Variants in USH2A observed in about 807,000 individuals in gnomAD.
USH2A encodes the protein Usher syndrome 2A (autosomal recessive, mild).
In USH2A, 443 loss-of-function variants were observed where a neutral mutation model predicts 538.9. That is an observed-to-expected ratio of 0.82 (90% CI 0.76 to 0.89). USH2A has a LOEUF of 0.89. Among genes scored for constraint, USH2A ranks in the 40% least tolerant of loss-of-function variants. USH2A has a pLI of 0.00. For missense variants in USH2A, 6,633 were observed against 6,324.8 expected, an observed-to-expected ratio of 1.05 and a Z score of -1.65; for synonymous variants, 2,413 against 2,273.5, an observed-to-expected ratio of 1.06 and a Z score of -1.75.
intron 32 of USH2A, among the ~76,000 whole-genome samples, chr1:216,028,044 A>G (rs1055293007): frequency 6.6e-6 from 1 of 152,204 alleles, no homozygotes; most frequent in Non-Finnish European, 1.5e-5. Flanking sequence ...TTCACTGAGA[A>G]AATGGGAATA....
At position 216,251,032 on chromosome 1, in the gene USH2A, A is replaced by G; in HGVS notation, c.2038T>C (p.Phe680Leu). The G allele has an allele frequency of 6.8e-6, 11 of 1,614,074 alleles. No homozygotes were observed. The highest frequency in any genetic ancestry group is 9.3e-6 in the Non-Finnish European group (11 of 1,179,990). ...GRQCNQCQNG[F>L]YNLQELDPDG... Reference sequence around the variant, plus strand: ...GGATCCAACTCTTGTAGATTGTAGAATCCATTCTGGCACTGATTGCACTGC... The same window carrying G: ...GGATCCAACTCTTGTAGATTGTAGAGTCCATTCTGGCACTGATTGCACTGC... Residue 680 changes from phenylalanine to leucine, a missense_variant, in exon 12 of 72, where the codon TTC becomes CTC. Phe to Leu is a conservative substitution (Grantham distance 22, BLOSUM62 0). Transcript: ENST00000307340.
intron 11 of USH2A, among the ~76,000 whole-genome samples, chr1:216,286,012 C>T (rs1048661065): frequency 2.6e-5 from 4 of 152,118 alleles, no homozygotes; most frequent in Non-Finnish European, 4.4e-5. Flanking sequence ...TGCCTTGCCT[C>T]AGATGAGACT....
chr1:216,397,898 C>G (rs1196668773), intron 3 of USH2A, among the ~76,000 whole-genome samples: 1 of 152,218 alleles, frequency 6.6e-6, no homozygotes, highest in African/African-American at 2.4e-5. Flanking sequence ...CTCCCTAATA[C>G]ATTCCTTTTC....
chr1:216,334,536 A>C (rs949651124), intron 4 of USH2A, among the ~76,000 whole-genome samples: 1 of 152,066 alleles, frequency 6.6e-6, no homozygotes, highest in Non-Finnish European at 1.5e-5. Context: ...ATATTTACAA[A>C]ATGGAAAAAC....
chr1:215,680,204 C>T lies in USH2A; in HGVS notation c.12239G>A (p.Gly4080Asp). 1 of 1,614,124 alleles carries T rather than the reference C, an allele frequency of 6.2e-7. No individual in the cohort carries two copies. ...TGACCACTGTAGTAGCAATGCCCGG[C>T]CATTCTCTTTCTGTTCTACTATAAA... ...RNFIVEQKEN[G>D]RALLLQWSEP... The change falls in exon 62 of 72, where the codon GGC becomes GAC. Residue 4080 changes from glycine to aspartate, a missense_variant. Physicochemically the swap from Gly to Asp is moderately conservative, Grantham distance 94. Transcript: ENST00000307340.
chr1:216,236,401 A>G (rs1219150107), intron 13 of USH2A, among the ~76,000 whole-genome samples: 1 of 152,170 alleles, frequency 6.6e-6, no homozygotes, highest in African/African-American at 2.4e-5. Context: ...TGATACATTT[A>G]CATGTGAGTC....
intron 55 of USH2A, among the ~76,000 whole-genome samples, chr1:215,770,555 C>T (rs1661248248): frequency 6.6e-6 from 1 of 152,068 alleles, no homozygotes; most frequent in Non-Finnish European, 1.5e-5. Context: ...GGACTCTATA[C>T]ATTATCTAAA....
At chr1:215,838,793 A>G (rs957388599) in intron 46 of USH2A, among the ~76,000 whole-genome samples, 1 of 152,324 alleles carries the variant, frequency 6.6e-6, no homozygotes, top group East Asian at 1.9e-4. Flanking sequence ...GAGAGAAATG[A>G]ATATGCAAAA....
chr1:215,747,933 G>C (rs1046885656), intron 58 of USH2A, among the ~76,000 whole-genome samples: 3 of 149,506 alleles, frequency 2.0e-5, no homozygotes, highest in African/African-American at 2.5e-5. Flanking sequence ...CGCCCAGGCC[G>C]GACTGCGGAC....
At chr1:216,296,480 T>A (rs1048254759) in intron 9 of USH2A, among the ~76,000 whole-genome samples, 4 of 152,070 alleles carry the variant, frequency 2.6e-5, no homozygotes, top group African/African-American at 9.7e-5. Context: ...TTATTGACTT[T>A]ATATTCTCTG....
intron 30 of USH2A, among the ~76,000 whole-genome samples, chr1:216,052,259 A>T (rs1319817374): frequency 6.6e-6 from 1 of 152,018 alleles, no homozygotes; most frequent in East Asian, 1.9e-4. Flanking sequence ...GAGAAACTAG[A>T]TCATCTTTCA....
intron 21 of USH2A, among the ~76,000 whole-genome samples, chr1:216,106,539 T>TC (rs1479382600): frequency 6.6e-6 from 1 of 151,496 alleles, no homozygotes; most frequent in Non-Finnish European, 1.5e-5. Flanking sequence ...AATATTTTTT[T>TC]CTCTCTCTTC....
intron 44 of USH2A, among the ~76,000 whole-genome samples, chr1:215,857,491 G>A (rs1426567069): frequency 6.6e-6 from 1 of 152,168 alleles, no homozygotes. Context: ...CTTCAAGGGA[G>A]GAGCAACAGG....
intron 13 of USH2A, among the ~76,000 whole-genome samples, chr1:216,235,489 C>T (rs988709801): frequency 6.6e-6 from 1 of 152,120 alleles, no homozygotes; most frequent in Non-Finnish European, 1.5e-5. Context: ...TTAGACATGA[C>T]AAATCTCAAG....
rs2102759423 is a variant in USH2A at position 216,400,502 on chromosome 1, G to A, written c.651+18012C>T. On this transcript the variant is annotated intron_variant, in intron 3 of 71. Transcript: ENST00000307340. ...GAATCCTAGAATAAGAGGAGAGAAT[G>A]GCAGTGAAAATGTATTCAAGAAAGA... 1.3e-5 allele frequency among the ~76,000 whole-genome samples: 2 copies of A among 151,936 alleles called. 1 individual carries two copies. The highest frequency in any genetic ancestry group is 4.8e-5 in the African/African-American group (2 of 41,518).
chr1:216,291,696 T>C (rs959480430), intron 10 of USH2A, among the ~76,000 whole-genome samples: 4 of 152,216 alleles, frequency 2.6e-5, no homozygotes, highest in Admixed American at 2.0e-4. Flanking sequence ...GGACTTTGAT[T>C]ATCATCGTCT....
intron 37 of USH2A, among the ~76,000 whole-genome samples, chr1:215,946,801 A>G (rs925745861): frequency 1.3e-5 from 2 of 152,154 alleles, no homozygotes; most frequent in Non-Finnish European, 2.9e-5. Context: ...TTACTGGAAA[A>G]CTTTTAAATA....
intron 21 of USH2A, among the ~76,000 whole-genome samples, chr1:216,105,687 T>TC (rs2032713258): frequency 6.6e-6 from 1 of 152,086 alleles, no homozygotes; most frequent in South Asian, 2.1e-4. Flanking sequence ...ATTAAATGAA[T>TC]AAATTGACTT....
chr1:215,748,579 T>G (rs1660545844), intron 58 of USH2A, among the ~76,000 whole-genome samples: 1 of 152,218 alleles, frequency 6.6e-6, no homozygotes, highest in Non-Finnish European at 1.5e-5. Context: ...CTGTCTTCTT[T>G]GTTCCTAGGA....
Sources: allele counts gnomAD v4.1 joint callset (sites outside exome capture counted in the v4.1 genomes callset), GRCh38; gene constraint gnomAD v4.1.1; transcripts MANE v1.5; gene names NCBI Gene and HGNC (gene_info 2026-07-23, HGNC 2026-07-21).